The following FSTL4 variants were observed in gnomAD, a reference collection of about 807,000 sequenced individuals.
The protein encoded by FSTL4 is follistatin-related protein 4.
FSTL4 carries 28 observed loss-of-function variants against 78.2 expected under a neutral mutation model. The observed-to-expected ratio is 0.36, with a 90% CI of 0.27 to 0.49. The LOEUF (loss-of-function observed/expected upper bound fraction) is 0.49, where lower values mean the gene tolerates loss of function less well. Among genes scored for constraint, FSTL4 ranks in the 20% least tolerant of loss-of-function variants. FSTL4 has a pLI of 0.98. For synonymous variants in FSTL4, 422 were observed against 440.5 expected (o/e 0.96, Z 0.53); for missense variants, 922 against 1,084.9 (o/e 0.85, Z 2.11).
At chr5:133,381,299 A>G (rs1386286561) in intron 4 of FSTL4, among the ~76,000 whole-genome samples, 1 of 152,242 alleles carries the variant, frequency 6.6e-6, no homozygotes, top group Non-Finnish European at 1.5e-5. Context: ...GCATAGTTAT[A>G]CAAGGGGATA....
In FSTL4 at chr5:133,361,989, G is replaced by T. The variant is rs1034183032; in HGVS notation, c.409+38749C>A. Among the ~76,000 whole-genome samples, 2 of 152,194 alleles carry T rather than the reference G, an allele frequency of 1.3e-5. No individual in the cohort carries two copies. Among genetic ancestry groups the T allele is most frequent in the African/African-American group, 4.8e-5 (2 of 41,442 alleles). On this transcript the variant is annotated intron_variant, in intron 4 of 15. Transcript: ENST00000265342. This position sits in a 1 kb window ranked among gnomAD's most constrained non-coding sequence, Gnocchi z 4.3. Reference sequence around the variant, plus strand: ...TATCCATGAATACAAAGTATTTTGTGCATGGCTTAATATACTTGGAATTTC... The same window carrying T: ...TATCCATGAATACAAAGTATTTTGTTCATGGCTTAATATACTTGGAATTTC...
the FSTL4 span, among the ~76,000 whole-genome samples, chr5:133,674,164 C>A: frequency 6.6e-6 from 1 of 152,166 alleles, no homozygotes; most frequent in Non-Finnish European, 1.5e-5. Flanking sequence ...GAAGGGCTCC[C>A]CACACTGCTG....
At chr5:133,375,435 C>A (rs1755412241) in intron 4 of FSTL4, among the ~76,000 whole-genome samples, 1 of 150,990 alleles carries the variant, frequency 6.6e-6, no homozygotes, top group South Asian at 2.1e-4. Flanking sequence ...TACATAATAC[C>A]TTTGTAATCA....
chr5:133,734,558 C>T, the FSTL4 span, among the ~76,000 whole-genome samples: 1 of 152,194 alleles, frequency 6.6e-6, no homozygotes. Context: ...ATCTGGGTGA[C>T]AGGCACACGA....
intron 4 of FSTL4, among the ~76,000 whole-genome samples, chr5:133,340,480 C>T (rs565328048): frequency 7.9e-5 from 12 of 152,276 alleles, no homozygotes; most frequent in African/African-American, 2.6e-4. Flanking sequence ...GTAATGGAAA[C>T]ATAAATTGTC....
chr5:133,682,915 T>C, the FSTL4 span, among the ~76,000 whole-genome samples: 1 of 152,016 alleles, frequency 6.6e-6, no homozygotes, highest in Non-Finnish European at 1.5e-5. Flanking sequence ...GAGTAAGGCT[T>C]GTGTACAGTT....
intron 3 of FSTL4, among the ~76,000 whole-genome samples, chr5:133,522,099 A>G (rs1758993376): frequency 6.6e-6 from 1 of 152,082 alleles, no homozygotes; most frequent in Admixed American, 6.5e-5. Context: ...AGCTGTGGGG[A>G]AAATTATCTA....
intron 3 of FSTL4, among the ~76,000 whole-genome samples, chr5:133,428,605 C>A (rs1010347439): frequency 6.6e-6 from 1 of 152,182 alleles, no homozygotes; most frequent in African/African-American, 2.4e-5. Context: ...CTGCAGAGAC[C>A]GAGGCCCTGA....
At chr5:133,707,540 G>C in the FSTL4 span, among the ~76,000 whole-genome samples, 1 of 152,200 alleles carries the variant, frequency 6.6e-6, no homozygotes, top group African/African-American at 2.4e-5. Context: ...CTGTAGCCTG[G>C]GTCAGGAACA....
chr5:133,815,408 G>A, the FSTL4 span, among the ~76,000 whole-genome samples: 2 of 152,210 alleles, frequency 1.3e-5, no homozygotes, highest in Non-Finnish European at 2.9e-5. Context: ...CCTGATTTAT[G>A]TTTGAGAGGT....
At chr5:133,605,294 A>C (rs1365178865) in intron 1 of FSTL4, among the ~76,000 whole-genome samples, 3 of 152,200 alleles carry the variant, frequency 2.0e-5, no homozygotes, top group Non-Finnish European at 4.4e-5. Context: ...ATCCTGATCT[A>C]GGCTGGTGAG....
the FSTL4 span, among the ~76,000 whole-genome samples, chr5:133,747,545 G>C: frequency 6.6e-6 from 1 of 152,026 alleles, no homozygotes; most frequent in Non-Finnish European, 1.5e-5. Flanking sequence ...ACCCACCCCA[G>C]CTAGAAGTAT....
chr5:133,824,490 G>A, the FSTL4 span, among the ~76,000 whole-genome samples: 1 of 152,140 alleles, frequency 6.6e-6, no homozygotes, highest in African/African-American at 2.4e-5. Flanking sequence ...GAGATTCCAG[G>A]GCTTCAGGAT....
chr5:133,806,131 A>G, the FSTL4 span, among the ~76,000 whole-genome samples: 1 of 152,296 alleles, frequency 6.6e-6, no homozygotes, highest in East Asian at 1.9e-4. Flanking sequence ...TGAGTCATGT[A>G]GCAAAAAATT....
the FSTL4 span, among the ~76,000 whole-genome samples, chr5:133,632,141 T>G: frequency 1.3e-5 from 2 of 152,194 alleles, no homozygotes; most frequent in African/African-American, 4.8e-5. Flanking sequence ...GAACTTAAAG[T>G]ATAATAATTA....
At chr5:133,632,876 A>T in the FSTL4 span, among the ~76,000 whole-genome samples, 1 of 151,994 alleles carries the variant, frequency 6.6e-6, no homozygotes, top group African/African-American at 2.4e-5. Context: ...TTTTGTAGAG[A>T]TGGGCTTTCA....
chr5:133,619,689 G>A, the FSTL4 span, among the ~76,000 whole-genome samples: 2 of 152,148 alleles, frequency 1.3e-5, no homozygotes, highest in African/African-American at 4.8e-5. Flanking sequence ...CCTAATTGCA[G>A]TAAATAAAAA....
chr5:133,828,842 T>C, the FSTL4 span, among the ~76,000 whole-genome samples: 1 of 152,374 alleles, frequency 6.6e-6, no homozygotes, highest in South Asian at 2.1e-4. Context: ...AAGACAGATG[T>C]AGTAACCAAT....
At chr5:133,836,128 T>C in the FSTL4 span, among the ~76,000 whole-genome samples, 1 of 152,218 alleles carries the variant, frequency 6.6e-6, no homozygotes, top group Admixed American at 6.5e-5. Flanking sequence ...TGTTTTTATC[T>C]AGTCTAACAA....
Sources: gnomAD v4.1 joint callset for allele counts (sites outside exome capture counted in the v4.1 genomes callset) on GRCh38, gnomAD v4.1.1 for gene constraint, Gnocchi (gnomAD v3.1) non-coding constraint, MANE v1.5 for transcripts, NCBI Gene and HGNC (gene_info 2026-07-23, HGNC 2026-07-21) for gene names.